The following TET3 variants were observed in gnomAD, a reference collection of about 807,000 sequenced individuals.
TET3 encodes methylcytosine dioxygenase TET3.
In TET3, 19 loss-of-function variants were observed where a neutral mutation model predicts 141.4. The ratio of observed to expected loss-of-function variants is 0.13; its 90% CI spans 0.09 to 0.20. The LOEUF (loss-of-function observed/expected upper bound fraction) is 0.20, where lower values mean the gene tolerates loss of function less well. TET3 is among the 10% of genes least tolerant of loss of function. The pLI is 1.00. For missense variants in TET3, 1,874 were observed against 2,356.9 expected, an observed-to-expected ratio of 0.80 and a Z score of 4.24; for synonymous variants, 1,043 against 980.9, an observed-to-expected ratio of 1.06 and a Z score of -1.18.
At position 73,999,503 on chromosome 2, in the gene TET3, T is replaced by G. The variant is rs138832411; in HGVS notation, c.304-3607T>G. On this transcript the variant is annotated intron_variant, in intron 2 of 11. Coordinates refer to ENST00000409262, the MANE Select transcript of TET3 (RefSeq NM_001287491.2). The stretch of plus-strand genomic sequence containing the variant: ...GTCTGTGTTCCTTCGTCTTTGAATA[T>G]CTGTGTGGAATCTGACCTGTGGGTA... Among the ~76,000 whole-genome samples, 77 of 152,300 alleles carry G rather than the reference T, an allele frequency of 5.1e-4. No individual in the cohort carries two copies. The East Asian group carries it at 0.013, about 26-fold the overall frequency.
chr2:74,060,296 C>A (rs1688432256), intron 4 of TET3, among the ~76,000 whole-genome samples: 1 of 152,168 alleles, frequency 6.6e-6, no homozygotes, highest in South Asian at 2.1e-4. Context: ...CAAGTCATTT[C>A]TGTTCAAGTT....
chr2:74,000,785 C>T (rs34363691), intron 2 of TET3, among the ~76,000 whole-genome samples: 17,296 of 152,194 alleles, frequency 0.11, 1,084 homozygotes, highest in African/African-American at 0.14. Flanking sequence ...TCGCGAAGTC[C>T]TTCCGTTGCC....
the TET3 span, among the ~76,000 whole-genome samples, chr2:74,123,672 C>T: frequency 6.6e-6 from 1 of 152,194 alleles, no homozygotes; most frequent in Non-Finnish European, 1.5e-5. Context: ...CTCTGCCCGG[C>T]CACCACCCCG....
At position 74,105,369 on chromosome 2, in the gene TET3, G is replaced by A; in HGVS notation, c.*3193G>A. On this transcript the variant is annotated 3_prime_UTR_variant, in exon 12 of 12. Transcript: ENST00000409262. ...GCAAGGGAAGTGCTTGTAAAGTTCT[G>A]TGCTACGAGATTTTTAAAATAAAAA... is the stretch of plus-strand genomic sequence containing the variant. 3 of 398,578 alleles carry A rather than the reference G, an allele frequency of 7.5e-6. No individual in the cohort carries two copies. Among genetic ancestry groups the A allele is most frequent in the East Asian group, 7.1e-5 (2 of 28,076 alleles). 24.7% of individuals were successfully genotyped at this position (398,578 alleles called of 1,614,324 possible).
intron 8 of TET3, among the ~76,000 whole-genome samples, chr2:74,092,005 A>AC (rs1020951893): frequency 2.0e-5 from 3 of 152,146 alleles, no homozygotes; most frequent in Non-Finnish European, 2.9e-5. Context: ...AATTGCTTTA[A>AC]TTTTTATTAG....
intron 3 of TET3, among the ~76,000 whole-genome samples, chr2:74,026,544 A>C (rs1037749284): frequency 3.3e-5 from 5 of 152,118 alleles, no homozygotes; most frequent in Non-Finnish European, 2.9e-5. Context: ...TTAACAGATA[A>C]TTGACTGTTA....
At chr2:73,988,817 C>CT (rs994503317) in intron 2 of TET3, among the ~76,000 whole-genome samples, 2 of 151,790 alleles carry the variant, frequency 1.3e-5, no homozygotes, top group African/African-American at 4.8e-5. Flanking sequence ...AAGAGCAGTA[C>CT]TTTTTTTCTA....
chr2:74,107,663 A>ACAGG lies in TET3; in HGVS notation c.*5487_*5488insCAGG, dbSNP rs1691580094. 1 of 151,980 alleles carries ACAGG rather than the reference A, an allele frequency of 6.6e-6. No individual in the cohort carries two copies. The highest frequency in any genetic ancestry group is 2.4e-5 in the African/African-American group (1 of 41,358). The allele number at this position is 151,980 out of a possible 1,614,324, so 9.4% of individuals were successfully genotyped here. A position where few individuals can be genotyped will look rare whatever the true frequency, so the allele number is the denominator to read the frequency against. On this transcript the variant is annotated 3_prime_UTR_variant, in exon 12 of 12. Transcript: ENST00000409262. ...ATTAGACTTAATCTAGAACCCCTGT[A>ACAGG]GCTTTTTGATGTGTTTTATTTCTTA...
chr2:74,131,335 G>C, the TET3 span, among the ~76,000 whole-genome samples: 3 of 152,190 alleles, frequency 2.0e-5, no homozygotes, highest in Non-Finnish European at 4.4e-5. Context: ...TGGATTCGCA[G>C]GTCCGTTAGC....
At position 74,047,920 on chromosome 2, in the gene TET3, C is replaced by T. The variant is rs1167146822; in HGVS notation, c.2003C>T (p.Ala668Val). The change falls in exon 4 of 12, where the codon GCA becomes GTA. Residue 668 changes from alanine to valine, a missense_variant. Physicochemically the swap from Ala to Val is moderately conservative, Grantham distance 64. Coordinates refer to ENST00000409262, the MANE Select transcript of TET3 (RefSeq NM_001287491.2). ...LPPEPSLALF[A>V]PSPSRDSLLP... is the part of the protein sequence containing the mutation. ...CCAGAACCTTCTCTTGCGCTATTTG[C>T]ACCTAGTCCCTCCAGGGACAGCCTG... 1.9e-6 allele frequency: 3 copies of T among 1,613,596 alleles called. No homozygotes were observed. The highest frequency in any genetic ancestry group is 1.7e-5 in the Admixed American group (1 of 59,976).
intron 11 of TET3, among the ~76,000 whole-genome samples, 169 bp from the exon 12 acceptor site, chr2:74,100,224 G>A (rs891928191): frequency 2.6e-5 from 4 of 152,116 alleles, no homozygotes; most frequent in Non-Finnish European, 4.4e-5. Flanking sequence ...CAGGGCCCAG[G>A]GAGTACGACC....
At chr2:74,123,506 C>G in the TET3 span, among the ~76,000 whole-genome samples, 1 of 152,182 alleles carries the variant, frequency 6.6e-6, no homozygotes, top group African/African-American at 2.4e-5. Context: ...CCAAGAAACA[C>G]GCCAGCCAGG....
chr2:74,112,622 TAAG>T (rs1158840904), downstream of TET3, among the ~76,000 whole-genome samples: 1 of 152,158 alleles, frequency 6.6e-6, no homozygotes, highest in Non-Finnish European at 1.5e-5. Flanking sequence ...AAACAAATAT[TAAG>T]AACTCAAAGA....
chr2:74,053,785 T>G (rs1330161196), intron 4 of TET3, among the ~76,000 whole-genome samples: 4 of 152,182 alleles, frequency 2.6e-5, no homozygotes, highest in Non-Finnish European at 5.9e-5. Context: ...TTTACAGTCG[T>G]GTAAAGTCTG....
At chr2:74,085,466 C>T (rs1366636970) in intron 6 of TET3, among the ~76,000 whole-genome samples, 3 of 152,240 alleles carry the variant, frequency 2.0e-5, no homozygotes, top group African/African-American at 7.2e-5. Context: ...TGCAACCCAG[C>T]ATCTCCTGAC....
intron 5 of TET3, among the ~76,000 whole-genome samples, chr2:74,076,441 G>GTTTTTTTTTTTTTTTTTTTT (rs70965785): frequency 1.8e-5 from 1 of 56,554 alleles, no homozygotes; most frequent in Non-Finnish European, 3.3e-5. Context: ...ATTCCTCTGG[G>GTTTTTTTTTTTTTTTTTTTT]TTTTTTTTTT....
At chr2:74,100,058 C>A (rs374799462) in intron 11 of TET3, among the ~76,000 whole-genome samples, 1 of 152,152 alleles carries the variant, frequency 6.6e-6, no homozygotes. Flanking sequence ...CTGGGCTGGG[C>A]ACAGAGTGGG....
intron 3 of TET3, among the ~76,000 whole-genome samples, chr2:74,015,590 A>G (rs1247523137): frequency 1.3e-5 from 2 of 152,168 alleles, no homozygotes; most frequent in Non-Finnish European, 2.9e-5. Flanking sequence ...TGACTATTGA[A>G]TATTTCATTT....
At chr2:74,031,394 C>T (rs1432764104) in intron 3 of TET3, among the ~76,000 whole-genome samples, 1 of 152,156 alleles carries the variant, frequency 6.6e-6, no homozygotes, top group Non-Finnish European at 1.5e-5. Context: ...AATGGTTGCG[C>T]AAATGCCTAG....
Sources: gnomAD v4.1 joint callset for allele counts (sites outside exome capture counted in the v4.1 genomes callset) on GRCh38, gnomAD v4.1.1 for gene constraint, MANE v1.5 for transcripts, NCBI Gene and HGNC (gene_info 2026-07-23, HGNC 2026-07-21) for gene names.